NLRP13: variants seen among roughly 807,000 people sequenced by gnomAD.
NLRP13 encodes NLR family pyrin domain containing 13, also known as NACHT, LRR and PYD domains-containing protein 13.
Under a neutral mutation model 94.4 loss-of-function variants are expected in NLRP13, and 82 were observed. That is an observed-to-expected ratio of 0.87 (90% CI 0.73 to 1.04). The LOEUF (loss-of-function observed/expected upper bound fraction) is 1.04, where lower values mean the gene tolerates loss of function less well. Ranked by LOEUF, NLRP13 falls within the 50% of genes least tolerant of loss-of-function variation. NLRP13 has a pLI of 0.00. For synonymous variants in NLRP13, 553 were observed against 464.7 expected (o/e 1.19, Z -2.45); for missense variants, 1,426 against 1,230.8 (o/e 1.16, Z -2.37).
At chr19:55,917,792 A>G (rs1414774748) in intron 4 of NLRP13, among the ~76,000 whole-genome samples, 1 of 152,084 alleles carries the variant, frequency 6.6e-6, no homozygotes, top group African/African-American at 2.4e-5. Flanking sequence ...TATTAGACCT[A>G]AAGACAGCAA....
At chr19:55,925,129 G>C in intron 1 of NLRP13, 94 bp from the exon 2 acceptor site, 1 of 1,111,828 alleles carries the variant, frequency 9.0e-7, no homozygotes, top group Non-Finnish European at 1.4e-6. Flanking sequence ...CTCCTTCTAT[G>C]ACAAACTGGA....
chr19:55,898,748 AAGG>A lies in NLRP13; in HGVS notation c.2957+19_2957+21del, dbSNP rs757895253. ...CAAGAGTAGAGAAGGAAGACTCTGC[AAGG>A]AGAACAGCATCAACTCACCCAAGTG... is the stretch of plus-strand genomic sequence containing the variant. On this transcript the variant is annotated intron_variant, in intron 10 of 10. Coordinates refer to ENST00000342929, the MANE Select transcript of NLRP13 (RefSeq NM_176810.2). 5 of 1,581,790 alleles carry A rather than the reference AAGG, an allele frequency of 3.2e-6. No homozygotes were observed. Among genetic ancestry groups the A allele is most frequent in the Middle Eastern group, 1.7e-4 (1 of 5,930 alleles).
downstream of NLRP13, chr19:55,892,146 T>G: frequency 8.1e-7 from 1 of 1,231,500 alleles, no homozygotes; most frequent in Non-Finnish European, 1.0e-6. Context: ...GTACTGAAGT[T>G]TAGAAGCAGT....
At chr19:55,899,880 G>A (rs1372578445) in intron 9 of NLRP13, among the ~76,000 whole-genome samples, 20 of 151,766 alleles carry the variant, frequency 1.3e-4, no homozygotes, top group Non-Finnish European at 2.9e-5. Context: ...GCAAATCAAA[G>A]ACAGTCAGAT....
rs1354640882 is a variant in NLRP13, at chr19:55,923,962, C to G, written c.475G>C (p.Gly159Arg). 2 of 1,613,704 alleles carry G rather than the reference C, an allele frequency of 1.2e-6. No homozygotes were observed. The highest frequency in any genetic ancestry group is 2.7e-5 in the African/African-American group (2 of 74,970). Reference protein sequence around the residue: ...EEETGNVQAQGCQDPNQEEPE... With the variant: ...EEETGNVQAQRCQDPNQEEPE... ...TCTTCTTGGTTTGGATCTTGGCATC[C>G]CTGGGCCTGTACATTCCCTGAAATA... Residue 159 changes from glycine (G) to arginine (R), a missense_variant, in exon 4 of 11, where the codon GGA becomes CGA. By Grantham distance (125) the Gly-to-Arg change is moderately radical. Transcript: ENST00000342929.
intron 5 of NLRP13, 87 bp from the exon 6 acceptor site, chr19:55,910,820 C>A: frequency 9.0e-7 from 1 of 1,116,688 alleles, no homozygotes; most frequent in Non-Finnish European, 1.3e-6. Flanking sequence ...CAGAAAGAAA[C>A]CCTAACAAAA....
chr19:55,898,217 T>G (rs1004213186), intron 10 of NLRP13, among the ~76,000 whole-genome samples: 1 of 149,448 alleles, frequency 6.7e-6, no homozygotes, highest in Non-Finnish European at 1.5e-5. Flanking sequence ...TTTTTGTTTT[T>G]TTTTTTTTTG....
intron 9 of NLRP13, among the ~76,000 whole-genome samples, chr19:55,899,917 A>C (rs527507440): frequency 6.6e-6 from 1 of 151,172 alleles, no homozygotes; most frequent in East Asian, 2.0e-4. Flanking sequence ...CATGGTGGTC[A>C]AAGGGTACAA....
chr19:55,903,367 C>T (rs1409373326), intron 8 of NLRP13, among the ~76,000 whole-genome samples: 1 of 152,170 alleles, frequency 6.6e-6, no homozygotes, highest in Non-Finnish European at 1.5e-5. Flanking sequence ...TTGGCCTTTT[C>T]TGTGCTTTTT....
intron 4 of NLRP13, among the ~76,000 whole-genome samples, chr19:55,918,651 C>A (rs1354385897): frequency 6.6e-6 from 1 of 152,032 alleles, no homozygotes; most frequent in Admixed American, 6.6e-5. Context: ...TGGGAACATA[C>A]AACCTACCAA....
rs758660193 is a variant in NLRP13, at chr19:55,905,069, C to G, written c.2491G>C (p.Ala831Pro). The change falls in exon 8 of 11, where the codon GCC becomes CCC. Residue 831 changes from alanine to proline, a missense_variant. Physicochemically the swap from Ala to Pro is conservative, Grantham distance 27 (BLOSUM62 -1). Coordinates refer to ENST00000342929, the MANE Select transcript of NLRP13 (RefSeq NM_176810.2). ...TGTTGGATGCTGGTGAGAAACAAGG[C>G]TAGGTCCTGACAGCTGGCTGCCGAC... is the stretch of plus-strand genomic sequence containing the variant. ...NLSAASCQDL[A>P]LFLTSIQHVT... 13 of 1,613,660 alleles carry G rather than the reference C, an allele frequency of 8.1e-6. No individual in the cohort carries two copies. Among genetic ancestry groups the G allele is most frequent in the Non-Finnish European group, 1.1e-5 (13 of 1,179,944 alleles).
At chr19:55,903,460 C>T (rs1986246439) in intron 8 of NLRP13, among the ~76,000 whole-genome samples, 1 of 152,146 alleles carries the variant, frequency 6.6e-6, no homozygotes, top group Non-Finnish European at 1.5e-5. Context: ...CACGATGCAG[C>T]TAGAGAAGAG....
Position 55,932,277 on chromosome 19 carries a change from CCA to C in NLRP13, c.33_34del (p.Gly12TyrfsTer62). ...GTAAGGCAGAAGCCCTTGGTTGGTA[CCA>C]CCGTTGGGGCAGGTGATTACAGAAA... On this transcript the variant is annotated frameshift_variant, in exon 1 of 11. Coordinates refer to ENST00000342929, the MANE Select transcript of NLRP13 (RefSeq NM_176810.2). LOFTEE classifies it high-confidence loss of function. 1 of 1,610,024 alleles carries C rather than the reference CCA, an allele frequency of 6.2e-7. No homozygotes were observed. Among genetic ancestry groups the C allele is most frequent in the Non-Finnish European group, 8.5e-7 (1 of 1,179,024 alleles).
chr19:55,915,794 G>A (rs1986660388), intron 4 of NLRP13, among the ~76,000 whole-genome samples: 1 of 151,948 alleles, frequency 6.6e-6, no homozygotes. Flanking sequence ...CTCCATGGCT[G>A]ATCATGGAGC....
chr19:55,895,342 C>T (rs1280299431), downstream of NLRP13, among the ~76,000 whole-genome samples: 1 of 152,112 alleles, frequency 6.6e-6, no homozygotes, highest in East Asian at 1.9e-4. Context: ...GATTGCGCCA[C>T]TGCACTCCAG....
At chr19:55,901,165 G>A (rs1716963142) in intron 9 of NLRP13, among the ~76,000 whole-genome samples, 1 of 152,222 alleles carries the variant, frequency 6.6e-6, no homozygotes, top group Non-Finnish European at 1.5e-5. Context: ...AGGAAAAGAC[G>A]AGCACTCAGA....
chr19:55,907,781 C>T lies in NLRP13; in HGVS notation c.2447+11G>A, dbSNP rs1380931017. ...ACCCCCCTTGACAGATCTAGGGAGC[C>T]AAAGACTTACCACAGATACTTGAGG... On this transcript the variant is annotated intron_variant, in intron 7 of 10. Coordinates refer to ENST00000342929, the MANE Select transcript of NLRP13 (RefSeq NM_176810.2). 1 of 1,613,496 alleles carries T rather than the reference C, an allele frequency of 6.2e-7. No homozygotes were observed. Among genetic ancestry groups the T allele is most frequent in the East Asian group, 2.2e-5 (1 of 44,854 alleles).
At chr19:55,928,681 T>C (rs1987029295) in intron 1 of NLRP13, among the ~76,000 whole-genome samples, 1 of 152,226 alleles carries the variant, frequency 6.6e-6, no homozygotes, top group Non-Finnish European at 1.5e-5. Flanking sequence ...AGATATTCAG[T>C]TGGAAACAGA....
At chr19:55,931,718 A>AGACAGAAAGAAAGACAGAAAGAAAGACAG in intron 1 of NLRP13, among the ~76,000 whole-genome samples, 3 of 96,022 alleles carry the variant, frequency 3.1e-5, no homozygotes, top group Admixed American at 1.3e-4. Flanking sequence ...TCAAAAAAAA[A>AGACAGAAAGAAAGACAGAAAGAAAGACAG]AAAAAAAGAA....
Sources: allele counts gnomAD v4.1 joint callset (sites outside exome capture counted in the v4.1 genomes callset), GRCh38; gene constraint gnomAD v4.1.1; transcripts MANE v1.5; gene names NCBI Gene and HGNC (gene_info 2026-07-23, HGNC 2026-07-21).